The following SCMH1 variants were observed in gnomAD, a reference collection of about 807,000 sequenced individuals.
SCMH1 encodes the protein polycomb protein SCMH1.
In SCMH1, 37 loss-of-function variants were observed where a neutral mutation model predicts 70.8. The ratio of observed to expected loss-of-function variants is 0.52; its 90% CI spans 0.40 to 0.69. SCMH1 has a LOEUF of 0.69. Ranked by LOEUF, SCMH1 falls within the 30% of genes least tolerant of loss-of-function variation. The pLI is 0.00. For missense variants in SCMH1, 607 were observed against 827.3 expected, an observed-to-expected ratio of 0.73 and a Z score of 3.27; for synonymous variants, 292 against 307.4, an observed-to-expected ratio of 0.95 and a Z score of 0.52.
At chr1:41,071,815 A>T (rs1259260507) in intron 9 of SCMH1, among the ~76,000 whole-genome samples, 1 of 152,140 alleles carries the variant, frequency 6.6e-6, no homozygotes, top group Admixed American at 6.5e-5. Context: ...GGTGTGTGCC[A>T]GCACACATGG....
chr1:41,187,762 C>T (rs987209409), intron 1 of SCMH1, among the ~76,000 whole-genome samples: 1 of 151,048 alleles, frequency 6.6e-6, no homozygotes, highest in African/African-American at 2.4e-5. Flanking sequence ...ACAGTGAGAC[C>T]CCCATCTCTA....
intron 6 of SCMH1, 118 bp downstream of exon 6, chr1:41,142,757 GAGA>G: frequency 1.3e-6 from 1 of 777,116 alleles, no homozygotes; most frequent in South Asian, 1.8e-5. Flanking sequence ...GCCTTTTTAG[GAGA>G]CTATATGAAA....
At chr1:41,216,235 C>A (rs1299922914) in intron 1 of SCMH1, among the ~76,000 whole-genome samples, 1 of 152,204 alleles carries the variant, frequency 6.6e-6, no homozygotes, top group Non-Finnish European at 1.5e-5. Flanking sequence ...TATGGAGCAT[C>A]TTCTAAGAGA....
chr1:41,030,673 C>A (rs1176464146), intron 13 of SCMH1, among the ~76,000 whole-genome samples: 1 of 152,152 alleles, frequency 6.6e-6, no homozygotes, highest in African/African-American at 2.4e-5. Flanking sequence ...CCCCTACCCC[C>A]ACACAGTACA....
At chr1:41,175,014 G>A (rs11584802) in intron 2 of SCMH1, among the ~76,000 whole-genome samples, 11,901 of 152,160 alleles carry the variant, frequency 0.078, 601 homozygotes, top group South Asian at 0.13. Context: ...AAATACATAC[G>A]GATGCCGAGT....
intron 9 of SCMH1, among the ~76,000 whole-genome samples, chr1:41,073,792 G>A (rs1657334470): frequency 6.6e-6 from 1 of 152,162 alleles, no homozygotes; most frequent in Non-Finnish European, 1.5e-5. Context: ...ACCTTGAGGA[G>A]CTTATATTGT....
At chr1:41,115,341 G>C (rs1339493306) in intron 7 of SCMH1, among the ~76,000 whole-genome samples, 1 of 152,120 alleles carries the variant, frequency 6.6e-6, no homozygotes. Flanking sequence ...ATTATACTTT[G>C]AGATTACATT....
chr1:41,198,506 T>C (rs906497398), intron 1 of SCMH1, among the ~76,000 whole-genome samples: 1 of 152,204 alleles, frequency 6.6e-6, no homozygotes, highest in African/African-American at 2.4e-5. Flanking sequence ...GTTTTTAAAA[T>C]TTGAATTTTC....
intron 1 of SCMH1, among the ~76,000 whole-genome samples, chr1:41,211,352 C>T (rs1303012513): frequency 6.6e-6 from 1 of 152,106 alleles, no homozygotes; most frequent in Non-Finnish European, 1.5e-5. Context: ...AAAAAGTGGG[C>T]AAAGGATATG....
chr1:41,094,743 G>A (rs377149457), intron 8 of SCMH1, among the ~76,000 whole-genome samples: 1 of 151,992 alleles, frequency 6.6e-6, no homozygotes, highest in East Asian at 1.9e-4. Flanking sequence ...ACAAAAATTA[G>A]CCGGACTTGG....
intron 6 of SCMH1, among the ~76,000 whole-genome samples, chr1:41,140,359 C>T (rs1643937016): frequency 6.6e-6 from 1 of 151,934 alleles, no homozygotes; most frequent in Non-Finnish European, 1.5e-5. Context: ...GTGGTGCAAT[C>T]CCGGCTCACT....
At chr1:41,115,982 T>C (rs1415946112) in intron 7 of SCMH1, among the ~76,000 whole-genome samples, 1 of 152,232 alleles carries the variant, frequency 6.6e-6, no homozygotes, top group Non-Finnish European at 1.5e-5. Flanking sequence ...TGTATCTGAA[T>C]TTATTACAAC....
chr1:41,072,364 CCT>C, intron 9 of SCMH1, among the ~76,000 whole-genome samples: 2 of 152,240 alleles, frequency 1.3e-5, no homozygotes, highest in South Asian at 4.1e-4. Context: ...ATAATGTAAA[CCT>C]ATTTGAGATA....
chr1:41,237,970 C>T lies in SCMH1; in HGVS notation c.-118+4089G>A, dbSNP rs182336413. Among the ~76,000 whole-genome samples the T allele has an allele frequency of 4.6e-5, 7 of 152,198 alleles. No homozygotes were observed. The East Asian group carries it at 1.2e-3, about 25-fold the overall frequency. The stretch of plus-strand genomic sequence containing the variant: ...TACTTTGTATCTATGAATCACCAAT[C>T]GCTTGTGATTTTATGTGGTATGTGT... On this transcript the variant is annotated intron_variant, in intron 1 of 14. Transcript: ENST00000337495.
At chr1:41,058,378 GTTT>G (rs548733204) in intron 10 of SCMH1, among the ~76,000 whole-genome samples, 4 of 81,638 alleles carry the variant, frequency 4.9e-5, no homozygotes, top group Admixed American at 2.0e-4. Flanking sequence ...TTTCTTTCTT[GTTT>G]TTTTTTTTTT....
At position 41,086,116 on chromosome 1, in the gene SCMH1, A is replaced by G. The variant is rs774436032; in HGVS notation, c.746-10665T>C. Among the ~76,000 whole-genome samples, 214 of 152,124 alleles carry G rather than the reference A, an allele frequency of 1.4e-3. 3 individuals carry two copies. Among genetic ancestry groups the G allele is most frequent in the Non-Finnish European group, 1.3e-3 (91 of 68,002 alleles). On this transcript the variant is annotated intron_variant, in intron 8 of 14. Transcript: ENST00000337495. ...GGCCTCCCAAAGTGTTGGGATTACAAGCATGAGCCACCACGCCCAGCCTTT... is the reference window on the plus strand; with the variant it reads ...GGCCTCCCAAAGTGTTGGGATTACAGGCATGAGCCACCACGCCCAGCCTTT...
intron 9 of SCMH1, among the ~76,000 whole-genome samples, chr1:41,071,419 A>G (rs978467959): frequency 1.3e-5 from 2 of 152,092 alleles, no homozygotes; most frequent in African/African-American, 4.8e-5. Flanking sequence ...TATTGTCATG[A>G]TATGTTTACA....
At chr1:41,070,489 C>T (rs1656093063) in intron 10 of SCMH1, 106 bp downstream of exon 10, 18 of 1,368,744 alleles carry the variant, frequency 1.3e-5, no homozygotes, top group Non-Finnish European at 1.8e-5. Flanking sequence ...AAATATTTTA[C>T]CTAGGTTTAC....
intron 1 of SCMH1, among the ~76,000 whole-genome samples, chr1:41,194,050 T>C (rs993687124): frequency 6.6e-6 from 1 of 152,236 alleles, no homozygotes; most frequent in African/African-American, 2.4e-5. Flanking sequence ...ATCTGGGCTT[T>C]ATCTTACAGC....
Sources: gnomAD v4.1 joint callset for allele counts (sites outside exome capture counted in the v4.1 genomes callset) on GRCh38, gnomAD v4.1.1 for gene constraint, MANE v1.5 for transcripts, NCBI Gene and HGNC (gene_info 2026-07-23, HGNC 2026-07-21) for gene names.